Variants in CTNND2 observed in about 807,000 individuals in gnomAD.
CTNND2 encodes catenin delta 2.
CTNND2 carries 22 observed loss-of-function variants against 144.4 expected under a neutral mutation model. The observed-to-expected ratio is 0.15, with a 90% confidence interval of 0.11 to 0.22. The LOEUF is 0.22. CTNND2 is among the 10% of genes least tolerant of loss of function. The probability of loss-of-function intolerance (pLI) is 1.00; values close to 1 mark genes in which losing one functional copy is unlikely to be tolerated. For missense variants in CTNND2, 1,353 were observed against 1,618.8 expected (o/e 0.84, Z 2.82); for synonymous variants, 751 against 695.6 (o/e 1.08, Z -1.25).
At chr5:11,651,161 C>A (rs923924726) in intron 2 of CTNND2, among the ~76,000 whole-genome samples, 1 of 152,120 alleles carries the variant, frequency 6.6e-6, no homozygotes. Flanking sequence ...CCACTCTGTG[C>A]GACCTCAGGA....
intron 3 of CTNND2, among the ~76,000 whole-genome samples, chr5:11,512,190 C>T (rs963491541): frequency 6.6e-6 from 1 of 152,146 alleles, no homozygotes; most frequent in Admixed American, 6.5e-5. Flanking sequence ...TCTGCTGTTG[C>T]CATCTTAAAA....
At chr5:11,896,573 CA>C (rs1430100437) in intron 1 of CTNND2, among the ~76,000 whole-genome samples, 2 of 152,012 alleles carry the variant, frequency 1.3e-5, no homozygotes, top group African/African-American at 4.8e-5. Flanking sequence ...AACTTCACCC[CA>C]AAATAAATAT....
chr5:11,478,637 C>T (rs961984196), intron 3 of CTNND2, among the ~76,000 whole-genome samples: 3 of 152,172 alleles, frequency 2.0e-5, no homozygotes, highest in South Asian at 4.1e-4. Context: ...AAGGTAGATG[C>T]CATTGTCCCC....
At chr5:11,576,543 A>T (rs1777984476) in intron 2 of CTNND2, among the ~76,000 whole-genome samples, 1 of 152,036 alleles carries the variant, frequency 6.6e-6, no homozygotes, top group South Asian at 2.1e-4. Context: ...AGTGAGGAAG[A>T]ACACTGTTCT....
chr5:11,171,654 A>G (rs966825943), intron 11 of CTNND2, among the ~76,000 whole-genome samples: 1 of 152,352 alleles, frequency 6.6e-6, no homozygotes, highest in East Asian at 1.9e-4. Context: ...ACACTTGCCC[A>G]GGGAAAAATA....
At chr5:11,096,527 G>A (rs1751367447) in intron 15 of CTNND2, among the ~76,000 whole-genome samples, 1 of 152,110 alleles carries the variant, frequency 6.6e-6, no homozygotes, top group Admixed American at 6.5e-5. Flanking sequence ...GTATTCCATG[G>A]TGTAAATGAG....
chr5:11,829,962 T>C (rs74506114), intron 1 of CTNND2, among the ~76,000 whole-genome samples: 5,170 of 152,304 alleles, frequency 0.034, 198 homozygotes, highest in African/African-American at 0.083. Context: ...ATGACCTGGA[T>C]GTGAGACATG....
intron 21 of CTNND2, among the ~76,000 whole-genome samples, chr5:10,978,549 T>C (rs1736801540): frequency 6.6e-6 from 1 of 152,106 alleles, no homozygotes; most frequent in Non-Finnish European, 1.5e-5. Flanking sequence ...GATGTTAGGC[T>C]AAGATAGAAT....
intron 16 of CTNND2, among the ~76,000 whole-genome samples, chr5:11,036,427 CT>C (rs1052449398): frequency 2.2e-4 from 33 of 147,342 alleles, no homozygotes; most frequent in Admixed American, 3.4e-4. Flanking sequence ...ACTAATACAA[CT>C]TTTTTTTTTT....
chr5:11,348,246 TTC>T (rs1754990810), intron 8 of CTNND2, among the ~76,000 whole-genome samples: 1 of 152,122 alleles, frequency 6.6e-6, no homozygotes, highest in Non-Finnish European at 1.5e-5. Context: ...GATTTATCGT[TTC>T]TCCAAAGTAT....
At position 11,133,181 on chromosome 5, in the gene CTNND2, T is replaced by C. The variant is rs530061612; in HGVS notation, c.2160-15614A>G. On this transcript the variant is annotated intron_variant, in intron 12 of 21. Coordinates refer to ENST00000304623, the MANE Select transcript of CTNND2 (RefSeq NM_001332.4). The stretch of plus-strand genomic sequence containing the variant: ...TATAAGAACACATATATATTTCATA[T>C]AAGAAAAAATATACAGAAAACAGTA... Among the ~76,000 whole-genome samples, 3 of 152,180 alleles carry C rather than the reference T, an allele frequency of 2.0e-5. No individual in the cohort carries two copies. In the East Asian group the frequency reaches 5.8e-4, roughly 29 times the overall value.
chr5:11,426,518 G>A (rs961432303), intron 3 of CTNND2, among the ~76,000 whole-genome samples: 2 of 152,320 alleles, frequency 1.3e-5, no homozygotes, highest in African/African-American at 4.8e-5. Context: ...GAGTGAAGGA[G>A]ATACGCACAA....
At chr5:11,322,303 G>A (rs534240800) in intron 9 of CTNND2, among the ~76,000 whole-genome samples, 37 of 152,150 alleles carry the variant, frequency 2.4e-4, no homozygotes, top group African/African-American at 8.2e-4. Context: ...TCATTTTCCC[G>A]CAGAGGTCCC....
At position 11,336,395 on chromosome 5, in the gene CTNND2, T is replaced by A. The variant is rs531646683; in HGVS notation, c.1628+9977A>T. ...TAAATACATAAACACACAACCAGAA[T>A]GGGCTTTTCAAAAATTTTATAGCTA... On this transcript the variant is annotated intron_variant, in intron 9 of 21. Transcript: ENST00000304623. Among the ~76,000 whole-genome samples, 12 of 152,306 alleles carry A rather than the reference T, an allele frequency of 7.9e-5. No individual in the cohort carries two copies. In the East Asian group the frequency reaches 2.3e-3, roughly 29 times the overall value.
intron 1 of CTNND2, among the ~76,000 whole-genome samples, chr5:11,809,848 T>C (rs1311312173): frequency 6.6e-6 from 1 of 152,154 alleles, no homozygotes; most frequent in African/African-American, 2.4e-5. Flanking sequence ...TGCGGTCCTA[T>C]TGTAAATAAT....
At chr5:11,372,504 C>A (rs1757552077) in intron 7 of CTNND2, among the ~76,000 whole-genome samples, 2 of 151,932 alleles carry the variant, frequency 1.3e-5, no homozygotes, top group South Asian at 2.1e-4. Context: ...AGTGTAATAC[C>A]CCACCCCTCA....
intron 3 of CTNND2, among the ~76,000 whole-genome samples, chr5:11,480,404 A>G (rs1295407076): frequency 6.6e-6 from 1 of 152,188 alleles, no homozygotes; most frequent in Admixed American, 6.6e-5. Context: ...CACTAACTGT[A>G]TATCTCCTGT....
At chr5:11,052,333 C>T (rs1304286986) in intron 16 of CTNND2, among the ~76,000 whole-genome samples, 1 of 152,176 alleles carries the variant, frequency 6.6e-6, no homozygotes, top group Admixed American at 6.5e-5. Context: ...TCCCCTGACA[C>T]ACATACAGCT....
chr5:11,076,986 T>C (rs1380857620), intron 16 of CTNND2, among the ~76,000 whole-genome samples: 1 of 152,200 alleles, frequency 6.6e-6, no homozygotes, highest in African/African-American at 2.4e-5. Context: ...GAAAAGAAAC[T>C]GGCTGTTTGA....
Sources: allele counts gnomAD v4.1 joint callset (sites outside exome capture counted in the v4.1 genomes callset), GRCh38; gene constraint gnomAD v4.1.1; transcripts MANE v1.5; gene names NCBI Gene and HGNC (gene_info 2026-07-23, HGNC 2026-07-21).